CALD1: variants seen among roughly 807,000 people sequenced by gnomAD.
The protein encoded by CALD1 is caldesmon.
CALD1 carries 33 observed loss-of-function variants against 99.9 expected under a neutral mutation model. That is an observed-to-expected ratio of 0.33 (90% CI 0.25 to 0.44). The LOEUF is 0.44. CALD1 is among the 20% of genes least tolerant of loss of function. The pLI is 1.00. For synonymous variants in CALD1, 310 were observed against 325.0 expected, an observed-to-expected ratio of 0.95 and a Z score of 0.50; for missense variants, 861 against 962.1, an observed-to-expected ratio of 0.89 and a Z score of 1.39.
intron 3 of CALD1, among the ~76,000 whole-genome samples, chr7:134,920,055 A>T (rs1804499765): frequency 6.6e-6 from 1 of 152,356 alleles, no homozygotes; most frequent in African/African-American, 2.4e-5. Flanking sequence ...ATATAAACAA[A>T]ATCATATTTA....
intron 1 of CALD1, among the ~76,000 whole-genome samples, chr7:134,785,953 A>G (rs1797288345): frequency 6.6e-6 from 1 of 152,194 alleles, no homozygotes; most frequent in Non-Finnish European, 1.5e-5. Flanking sequence ...AGGAGTACAT[A>G]TAACTTTTCA....
chr7:134,766,303 A>G (rs1231794176), intron 1 of CALD1, among the ~76,000 whole-genome samples: 2 of 149,826 alleles, frequency 1.3e-5, no homozygotes, highest in African/African-American at 4.9e-5. Context: ...AGGCCACCAC[A>G]CCCGGCTAAT....
intron 3 of CALD1, chr7:134,891,421 T>G (rs890555144): frequency 4.6e-6 from 6 of 1,291,020 alleles, no homozygotes; most frequent in Admixed American, 7.0e-5. Flanking sequence ...AGGAGTAGAT[T>G]TGGCTGAGGA....
rs1165569404 is a variant in CALD1 at position 134,867,779 on chromosome 7, G to A, written c.46G>A (p.Glu16Lys). The A allele has an allele frequency of 6.2e-7, 1 of 1,607,916 alleles. No homozygotes were observed. The highest frequency in any genetic ancestry group is 8.5e-7 in the Non-Finnish European group (1 of 1,175,542). ...RRRELRRQKR[E>K]EMRLEAERIA... ...CAGAGAACTTAGAAGGCAAAAGAGG[G>A]AGGAGATGCGACTCGAAGCAGAAAG... Residue 16 changes from glutamate to lysine, a missense_variant, in exon 3 of 15, where the codon GAG (glutamate) becomes AAG (lysine). By Grantham distance (56) the Glu-to-Lys change is moderately conservative (BLOSUM62 1). This residue lies in a region of CALD1 where 123 missense variants were observed against 169.8 expected (regional missense o/e 0.72). Transcript: ENST00000361675.
chr7:134,718,572 G>T, the CALD1 span, among the ~76,000 whole-genome samples: 17 of 152,124 alleles, frequency 1.1e-4, no homozygotes, highest in African/African-American at 4.1e-4. Flanking sequence ...ATCTGAGATG[G>T]GAGCAGAGAC....
At chr7:134,779,274 A>T (rs578242715), upstream of CALD1, 7 of 168,298 alleles carry the variant, frequency 4.2e-5, no homozygotes, top group African/African-American at 1.4e-4. Flanking sequence ...TTTCTCCAAG[A>T]TTAACATTTC....
chr7:134,765,966 T>TTC (rs376785979), intron 1 of CALD1, among the ~76,000 whole-genome samples: 3 of 149,760 alleles, frequency 2.0e-5, no homozygotes, highest in Non-Finnish European at 3.0e-5. Flanking sequence ...CTCTCTCTCT[T>TTC]TCTCTCTCTC....
At chr7:134,778,260 A>T (rs1318925395), upstream of CALD1, among the ~76,000 whole-genome samples, 1 of 152,244 alleles carries the variant, frequency 6.6e-6, no homozygotes, top group Admixed American at 6.5e-5. Flanking sequence ...AAGGAAACCA[A>T]CAGTGCGAAC....
intron 1 of CALD1, among the ~76,000 whole-genome samples, chr7:134,798,306 T>C (rs1187202218): frequency 6.6e-6 from 1 of 152,208 alleles, no homozygotes; most frequent in East Asian, 1.9e-4. Flanking sequence ...CTCTGGTTTG[T>C]TTCCCTTGAG....
At chr7:134,930,106 C>G (rs1363958743) in intron 4 of CALD1, among the ~76,000 whole-genome samples, 1 of 152,058 alleles carries the variant, frequency 6.6e-6, no homozygotes, top group East Asian at 1.9e-4. Flanking sequence ...CAACAAGATA[C>G]AGAATTCCGC....
chr7:134,883,965 G>A (rs1801728131), intron 3 of CALD1, among the ~76,000 whole-genome samples: 1 of 152,216 alleles, frequency 6.6e-6, no homozygotes, highest in African/African-American at 2.4e-5. Flanking sequence ...AGCCGGGCAT[G>A]GTGGCACATG....
chr7:134,924,388 G>A (rs566742932), intron 3 of CALD1, among the ~76,000 whole-genome samples: 1 of 152,126 alleles, frequency 6.6e-6, no homozygotes, highest in African/African-American at 2.4e-5. Flanking sequence ...AATTTCGGAA[G>A]AAAAAATAAT....
At chr7:134,889,830 AATG>A (rs1802058646) in intron 3 of CALD1, among the ~76,000 whole-genome samples, 1 of 152,238 alleles carries the variant, frequency 6.6e-6, no homozygotes. Flanking sequence ...ATATATACAT[AATG>A]ATATATAGAG....
chr7:134,880,265 T>C (rs1801535475), intron 3 of CALD1, among the ~76,000 whole-genome samples: 1 of 152,202 alleles, frequency 6.6e-6, no homozygotes, highest in South Asian at 2.1e-4. Context: ...CACTAGGTAA[T>C]GAAAGAGTCC....
intron 2 of CALD1, among the ~76,000 whole-genome samples, chr7:134,864,714 C>T (rs1208920505): frequency 6.6e-6 from 1 of 152,188 alleles, no homozygotes; most frequent in Admixed American, 6.5e-5. Context: ...ACCTTTAACA[C>T]TGACTTATTT....
At chr7:134,930,569 A>G (rs1029520434) in intron 4 of CALD1, among the ~76,000 whole-genome samples, 2 of 152,180 alleles carry the variant, frequency 1.3e-5, no homozygotes, top group African/African-American at 4.8e-5. Flanking sequence ...GGCCGGTAGC[A>G]CAATATTGTT....
intron 2 of CALD1, among the ~76,000 whole-genome samples, chr7:134,855,755 A>G (rs149076455): frequency 7.0e-4 from 107 of 152,352 alleles, no homozygotes; most frequent in African/African-American, 2.5e-3. Flanking sequence ...TAGTGTGGAC[A>G]GCTTTTGTTT....
chr7:134,901,811 A>G (rs1332455438), intron 3 of CALD1, among the ~76,000 whole-genome samples: 4 of 152,056 alleles, frequency 2.6e-5, no homozygotes, highest in Non-Finnish European at 5.9e-5. Flanking sequence ...ATGTCTCTTC[A>G]CAGAGGCTTC....
chr7:134,849,467 T>A (rs968387752), intron 2 of CALD1, among the ~76,000 whole-genome samples: 1 of 152,204 alleles, frequency 6.6e-6, no homozygotes, highest in African/African-American at 2.4e-5. Flanking sequence ...TATTTGCACA[T>A]AATCTATGCA....
Sources: gnomAD v4.1 joint callset for allele counts (sites outside exome capture counted in the v4.1 genomes callset) on GRCh38, gnomAD v4.1.1 for gene constraint, gnomAD v4.1.1 regional missense constraint, MANE v1.5 for transcripts, NCBI Gene and HGNC (gene_info 2026-07-23, HGNC 2026-07-21) for gene names.